Variants in USP9X observed in about 807,000 individuals in gnomAD.
USP9X encodes ubiquitin specific peptidase 9 X-linked, also known as ubiquitin carboxyl-terminal hydrolase 9X.
USP9X carries 7 observed loss-of-function variants against 190.3 expected under a neutral mutation model. That is an observed-to-expected ratio of 0.04 (90% confidence interval 0.02 to 0.07). The LOEUF (loss-of-function observed/expected upper bound fraction) is 0.07. Among genes scored for constraint, USP9X ranks in the 10% least tolerant of loss-of-function variants. The pLI is 1.00. For synonymous variants in USP9X, 645 were observed against 659.5 expected, an observed-to-expected ratio of 0.98 and a Z score of 0.34; for missense variants, 1,010 against 1,916.9, an observed-to-expected ratio of 0.53 and a Z score of 8.83.
At chrX:41,179,126 A>G (rs2062805055) in intron 21 of USP9X, among the ~76,000 whole-genome samples, 1 of 111,942 alleles carries the variant, frequency 8.9e-6, no homozygotes, top group African/African-American at 3.3e-5. Context: ...TCTATAGTAA[A>G]TTTTGAAGTC....
At chrX:41,163,449 G>A (rs1278504987) in intron 15 of USP9X, among the ~76,000 whole-genome samples, 5 of 111,461 alleles carry the variant, frequency 4.5e-5, no homozygotes, top group African/African-American at 1.6e-4. Context: ...TGTGCAAAGT[G>A]CCTTTGTTAA....
At position 41,208,696 on chromosome X, in the gene USP9X, T is replaced by A. The variant is rs187944518; in HGVS notation, c.5016-1813T>A. On this transcript the variant is annotated intron_variant, in intron 32 of 44. Transcript: ENST00000378308. ...TGGTTTATTTTTTTTTTAAGTTTTG[T>A]TTGTTTGTTTGTTTGTTTTTTGTTT... Among the ~76,000 whole-genome samples the A allele has an allele frequency of 2.7e-5, 3 of 110,624 alleles. No homozygotes were observed. The East Asian group carries it at 8.5e-4, about 31-fold the overall frequency.
At chrX:41,168,980 A>G (rs1363824757) in intron 18 of USP9X, among the ~76,000 whole-genome samples, 1 of 111,921 alleles carries the variant, frequency 8.9e-6, no homozygotes, top group Non-Finnish European at 1.9e-5. Flanking sequence ...TTACTTTAAA[A>G]AAGGTACTAT....
At chrX:41,128,663 A>G (rs1197818861) in intron 2 of USP9X, among the ~76,000 whole-genome samples, 2 of 112,216 alleles carry the variant, frequency 1.8e-5, no homozygotes, top group Non-Finnish European at 3.8e-5. Flanking sequence ...GTATTTGAAT[A>G]TAACTCATGC....
chrX:41,180,590 TGCTACTCTATG>T lies in USP9X; in HGVS notation c.3149-3405_3149-3395del, dbSNP rs2062816857. ...CTTGAGTTCCAATCCTGCTTCTAAT[TGCTACTCTATG>T]GCGTTAAACATAAGTTTCATAGTTT... On this transcript the variant is annotated intron_variant, in intron 21 of 44. Transcript: ENST00000378308. 2.7e-5 allele frequency among the ~76,000 whole-genome samples: 3 copies of T among 112,539 alleles called. No individual in the cohort carries two copies. The South Asian group carries it at 1.1e-3, about 41-fold the overall frequency.
chrX:41,110,903 C>T (rs1391615390), intron 1 of USP9X, among the ~76,000 whole-genome samples: 4 of 111,450 alleles, frequency 3.6e-5, no homozygotes, highest in East Asian at 5.6e-4. Flanking sequence ...GTAGTGTGGA[C>T]GCTAGCCAGG....
chrX:41,164,626 T>C (rs1335946274), intron 15 of USP9X, among the ~76,000 whole-genome samples: 4 of 112,350 alleles, frequency 3.6e-5, no homozygotes, highest in Non-Finnish European at 5.6e-5. Flanking sequence ...ATGCCTGCTG[T>C]GTGTTGGGCC....
intron 2 of USP9X, among the ~76,000 whole-genome samples, chrX:41,125,372 GC>G (rs1347788729): frequency 4.3e-5 from 3 of 69,957 alleles, no homozygotes; most frequent in Non-Finnish European, 8.3e-5. Flanking sequence ...ACGGTACCCG[GC>G]CGATCCATTT....
At chrX:41,195,357 A>C (rs1484145522) in intron 26 of USP9X, among the ~76,000 whole-genome samples, 1 of 111,296 alleles carries the variant, frequency 9.0e-6, no homozygotes, top group Admixed American at 9.6e-5. Flanking sequence ...TGTTTAGTGC[A>C]CATCAGATTG....
At chrX:41,182,415 C>CTT (rs777620374) in intron 21 of USP9X, among the ~76,000 whole-genome samples, 12 of 102,156 alleles carry the variant, frequency 1.2e-4, no homozygotes, top group African/African-American at 2.1e-4. Flanking sequence ...TTGAGCTCTT[C>CTT]TTTTTTTTTT....
At position 41,225,144 on chromosome X, in the gene USP9X, A is replaced by T; in HGVS notation, c.7061+7A>T. The T allele has an allele frequency of 1.7e-6, 2 of 1,204,579 alleles. No homozygotes were observed. Among genetic ancestry groups the T allele is most frequent in the Non-Finnish European group, 2.2e-6 (2 of 890,190 alleles). Reference sequence around the variant, plus strand: ...ACTCCTGGCAAACTCACAGGTGGATACTCTTTTTGTGACTGGAAACAATTA... The same window carrying T: ...ACTCCTGGCAAACTCACAGGTGGATTCTCTTTTTGTGACTGGAAACAATTA... On this transcript the variant is annotated splice_region_variant and intron_variant, in intron 41 of 44. Transcript: ENST00000378308.
chrX:41,147,003 C>T (rs766712691), intron 11 of USP9X, among the ~76,000 whole-genome samples: 2 of 111,213 alleles, frequency 1.8e-5, no homozygotes, highest in African/African-American at 3.3e-5. Flanking sequence ...TTAGATCATA[C>T]ATCTTCATTT....
At chrX:41,174,195 T>G (rs906853818) in intron 21 of USP9X, among the ~76,000 whole-genome samples, 1 of 111,961 alleles carries the variant, frequency 8.9e-6, no homozygotes, top group African/African-American at 3.3e-5. Flanking sequence ...AATGATGCAT[T>G]TCTCAGAACA....
chrX:41,219,300 A>C, intron 38 of USP9X, 69 bp downstream of exon 38: 2 of 1,060,445 alleles, frequency 1.9e-6, no homozygotes, highest in East Asian at 6.3e-5. Flanking sequence ...ATTTAGGTCA[A>C]GTGATGAAAT....
chrX:41,168,334 T>A, intron 18 of USP9X, 116 bp downstream of exon 18: 1 of 640,035 alleles, frequency 1.6e-6, no homozygotes, highest in Non-Finnish European at 2.2e-6. Flanking sequence ...CTTTGCCCAT[T>A]AAAAACATTT....
chrX:41,099,233 T>C (rs1053870834), intron 1 of USP9X, among the ~76,000 whole-genome samples: 1 of 107,339 alleles, frequency 9.3e-6, no homozygotes, highest in Non-Finnish European at 1.9e-5. Flanking sequence ...TGTGAGCCAC[T>C]GTGTCTGGCT....
intron 1 of USP9X, among the ~76,000 whole-genome samples, chrX:41,111,985 A>G (rs1289146281): frequency 1.8e-5 from 2 of 109,940 alleles, no homozygotes; most frequent in African/African-American, 3.3e-5. Context: ...AGCTGGGACT[A>G]CAGGCATGCA....
At chrX:41,086,185 AG>A (rs200968361) in intron 1 of USP9X, 76 bp downstream of exon 1, 6,880 of 289,155 alleles carry the variant, frequency 0.024, 95 homozygotes, top group South Asian at 0.13. Context: ...GAGGAGGGCG[AG>A]GGGGGTGTGC....
intron 1 of USP9X, among the ~76,000 whole-genome samples, chrX:41,117,888 C>A (rs1203627566): frequency 9.6e-6 from 1 of 103,696 alleles, no homozygotes; most frequent in Non-Finnish European, 2.0e-5. Context: ...GACGGAGTCT[C>A]ACTCTGTCAT....
Sources: allele counts gnomAD v4.1 joint callset (sites outside exome capture counted in the v4.1 genomes callset), GRCh38; gene constraint gnomAD v4.1.1; transcripts MANE v1.5; gene names NCBI Gene and HGNC (gene_info 2026-07-23, HGNC 2026-07-21).